WAC: variants seen among roughly 807,000 people sequenced by gnomAD.
WAC encodes the protein WW domain containing adaptor with coiled-coil, also known as WW domain-containing adapter protein with coiled-coil.
WAC carries 11 observed loss-of-function variants against 79.6 expected under a neutral mutation model. That is an observed-to-expected ratio of 0.14 (90% CI 0.09 to 0.23). The LOEUF (loss-of-function observed/expected upper bound fraction) is 0.23, where lower values mean the gene tolerates loss of function less well. Ranked by LOEUF, WAC falls within the 10% of genes least tolerant of loss-of-function variation. The pLI is 1.00. For synonymous variants in WAC, 304 were observed against 276.9 expected, an observed-to-expected ratio of 1.10 and a Z score of -0.97; for missense variants, 728 against 773.5, an observed-to-expected ratio of 0.94 and a Z score of 0.70.
intron 7 of WAC, among the ~76,000 whole-genome samples, chr10:28,604,026 AT>A (rs1416964355): frequency 9.5e-4 from 133 of 140,664 alleles, no homozygotes; most frequent in African/African-American, 2.8e-3. Context: ...AAGTACACTG[AT>A]TTTTTTTAAG....
chr10:28,589,207 T>A, intron 4 of WAC: 1 of 152,300 alleles, frequency 6.6e-6, no homozygotes. Context: ...TCCATCTTGT[T>A]GATTTTGAAG....
intron 3 of WAC, among the ~76,000 whole-genome samples, chr10:28,570,357 A>G (rs1838878805): frequency 6.6e-6 from 1 of 152,216 alleles, no homozygotes; most frequent in African/African-American, 2.4e-5. Flanking sequence ...AGTTGTATTT[A>G]ATAGATGATG....
At chr10:28,581,334 G>C (rs1839525841) in intron 3 of WAC, among the ~76,000 whole-genome samples, 1 of 129,034 alleles carries the variant, frequency 7.7e-6, no homozygotes, top group Non-Finnish European at 1.6e-5. Flanking sequence ...GGATTCCCCT[G>C]CCTCTACCTC....
chr10:28,588,227 C>G (rs1008265316), intron 4 of WAC, among the ~76,000 whole-genome samples: 5 of 152,122 alleles, frequency 3.3e-5, no homozygotes, highest in Non-Finnish European at 5.9e-5. Flanking sequence ...GGAAGAACTT[C>G]CTGAATTTGG....
chr10:28,607,324 G>C (rs997224143), intron 7 of WAC, among the ~76,000 whole-genome samples: 5 of 152,030 alleles, frequency 3.3e-5, no homozygotes, highest in Non-Finnish European at 7.4e-5. Context: ...ATTTGGCAGG[G>C]CATGTCCTGC....
chr10:28,600,102 T>C (rs1272275399), intron 7 of WAC, among the ~76,000 whole-genome samples: 1 of 152,148 alleles, frequency 6.6e-6, no homozygotes, highest in East Asian at 1.9e-4. Flanking sequence ...GTTCTCTATT[T>C]AGTGATTTAG....
chr10:28,570,735 G>C (rs1838906021), intron 3 of WAC, among the ~76,000 whole-genome samples: 1 of 152,080 alleles, frequency 6.6e-6, no homozygotes, highest in African/African-American at 2.4e-5. Context: ...TGTGTGATAA[G>C]GAAATAGTGA....
chr10:28,584,870 C>T (rs573281066), intron 4 of WAC, among the ~76,000 whole-genome samples: 1 of 152,180 alleles, frequency 6.6e-6, no homozygotes, highest in South Asian at 2.1e-4. Context: ...GCGGGTGGAT[C>T]ACTTGAGGCC....
At chr10:28,583,613 A>C in intron 4 of WAC, 108 bp downstream of exon 4, 12 of 764,288 alleles carry the variant, frequency 1.6e-5, no homozygotes, top group Non-Finnish European at 2.4e-5. Flanking sequence ...CTTTTTTTTT[A>C]AAAATGTTTC....
At chr10:28,545,476 G>T (rs762759103) in intron 3 of WAC, among the ~76,000 whole-genome samples, 1 of 152,068 alleles carries the variant, frequency 6.6e-6, no homozygotes, top group Admixed American at 6.5e-5. Flanking sequence ...GCGAAACTCC[G>T]TCTAAAAGAA....
At chr10:28,540,414 A>G (rs1404346704) in intron 3 of WAC, among the ~76,000 whole-genome samples, 1 of 152,202 alleles carries the variant, frequency 6.6e-6, no homozygotes, top group Admixed American at 6.5e-5. Flanking sequence ...TATCCTGCTA[A>G]TATCTTCACC....
In WAC at chr10:28,611,905, G is replaced by C. The variant is rs1237313480; in HGVS notation, c.1420G>C (p.Val474Leu). The C allele has an allele frequency of 6.2e-7, 1 of 1,612,812 alleles. No homozygotes were observed. The highest frequency in any genetic ancestry group is 1.1e-5 in the South Asian group (1 of 90,678). The change falls in exon 10 of 14, where the codon GTT (valine) becomes CTT (leucine). Residue 474 changes from valine (V) to leucine (L), a missense_variant. Physicochemically the swap from Val to Leu is conservative, Grantham distance 32. Transcript: ENST00000354911. ...CAAACCTTTGATCAGTACTCCTCCT[G>C]TTTCATCACAGCCAAAGGTATGTCA... ...PIKPLISTPP[V>L]SSQPKVSTPV...
chr10:28,543,380 T>C (rs1399286701), intron 3 of WAC, among the ~76,000 whole-genome samples: 2 of 152,276 alleles, frequency 1.3e-5, no homozygotes, highest in African/African-American at 4.8e-5. Context: ...CCTTAAAAAC[T>C]ATAATGACAT....
At chr10:28,538,748 T>TG (rs1836827776) in intron 3 of WAC, among the ~76,000 whole-genome samples, 1 of 151,022 alleles carries the variant, frequency 6.6e-6, no homozygotes, top group African/African-American at 2.4e-5. Flanking sequence ...AAAATTTTTT[T>TG]TTTGATTAGC....
intron 3 of WAC, among the ~76,000 whole-genome samples, chr10:28,556,414 T>TTA (rs1837995625): frequency 6.8e-6 from 1 of 147,190 alleles, no homozygotes; most frequent in Non-Finnish European, 1.5e-5. Flanking sequence ...TTTTTTTTTT[T>TTA]TGCCATTAAG....
intron 3 of WAC, chr10:28,538,238 ATATG>A (rs1836788527): frequency 4.5e-6 from 1 of 222,798 alleles, no homozygotes; most frequent in Admixed American, 4.6e-5. Flanking sequence ...TTAAAAGTGT[ATATG>A]TATGATTTTT....
chr10:28,586,430 CTT>C (rs1839825216), intron 4 of WAC, among the ~76,000 whole-genome samples: 1 of 152,120 alleles, frequency 6.6e-6, no homozygotes, highest in South Asian at 2.1e-4. Context: ...AATCCCAGCA[CTT>C]TGGAATGCCA....
chr10:28,546,082 T>C (rs1156740508), intron 3 of WAC, among the ~76,000 whole-genome samples: 1 of 152,242 alleles, frequency 6.6e-6, no homozygotes, highest in East Asian at 1.9e-4. Flanking sequence ...ATGTGGTTGA[T>C]ATATTTAGAT....
rs74576008 is a variant in WAC, at chr10:28,534,520, C to T, written c.78+486C>T. On this transcript the variant is annotated intron_variant, in intron 2 of 13. Transcript: ENST00000354911. ...TTAATATTTTTGGTATACTTAATTG[C>T]CTTACAAGTAAAAGATATGTGTGCT... Among the ~76,000 whole-genome samples the T allele has an allele frequency of 4.1e-3, 621 of 152,236 alleles. 3 individuals carry two copies. The highest frequency in any genetic ancestry group is 0.018 in the East Asian group (91 of 5,194).
Sources: allele counts gnomAD v4.1 joint callset (sites outside exome capture counted in the v4.1 genomes callset), GRCh38; gene constraint gnomAD v4.1.1; transcripts MANE v1.5; gene names NCBI Gene and HGNC (gene_info 2026-07-23, HGNC 2026-07-21).